Variants in PDE10A observed in about 807,000 individuals in gnomAD.
The protein encoded by PDE10A is phosphodiesterase 10A.
In PDE10A, 39 loss-of-function variants were observed where a neutral mutation model predicts 97.7. That is an observed-to-expected ratio of 0.40 (90% CI 0.31 to 0.52). PDE10A has a LOEUF of 0.52. Ranked by LOEUF, PDE10A falls within the 20% of genes least tolerant of loss-of-function variation. The probability of loss-of-function intolerance (pLI) is 0.56; values close to 1 mark genes in which losing one functional copy is unlikely to be tolerated. For synonymous variants in PDE10A, 371 were observed against 376.8 expected (o/e 0.98, Z 0.18); for missense variants, 731 against 1,047.8 (o/e 0.70, Z 4.17).
intron 1 of PDE10A, among the ~76,000 whole-genome samples, chr6:165,987,185 A>C (rs1265493912): frequency 6.6e-6 from 1 of 152,144 alleles, no homozygotes; most frequent in Admixed American, 6.5e-5. Flanking sequence ...CTCGCTGGGA[A>C]CTTGGAGCTC....
At chr6:165,779,891 G>A (rs951714347) in intron 1 of PDE10A, among the ~76,000 whole-genome samples, 2 of 152,022 alleles carry the variant, frequency 1.3e-5, no homozygotes, top group Admixed American at 6.6e-5. Flanking sequence ...CTGCTCTCCC[G>A]CCCAACACTG....
intron 1 of PDE10A, among the ~76,000 whole-genome samples, chr6:165,840,007 C>CAACTCAATTCCTATCTTT (rs1562762862): frequency 2.6e-4 from 1 of 3,916 alleles, no homozygotes; most frequent in African/African-American, 9.1e-4. Context: ...ATCCCATCTC[C>CAACTCAATTCCTATCTTT]ATCCTCATCT....
upstream of PDE10A, among the ~76,000 whole-genome samples, chr6:165,663,912 A>C (rs922233770): frequency 1.1e-4 from 17 of 152,176 alleles, no homozygotes; most frequent in African/African-American, 4.1e-4. Context: ...GAGCCGCCCA[A>C]TGGGCGCTCA....
chr6:165,336,756 A>AG (rs1491266026), intron 20 of PDE10A, among the ~76,000 whole-genome samples: 13 of 95,774 alleles, frequency 1.4e-4, no homozygotes, highest in African/African-American at 5.7e-4. Flanking sequence ...ACTCCGTCTC[A>AG]AAAAAAAAAA....
intron 1 of PDE10A, among the ~76,000 whole-genome samples, chr6:165,951,993 G>C (rs1224625043): frequency 6.6e-6 from 1 of 152,212 alleles, no homozygotes; most frequent in South Asian, 2.1e-4. Context: ...TGCCAGGGGA[G>C]GTAAGTACTT....
rs1178141330 is a variant in PDE10A at position 165,384,623 on chromosome 6, TGTGA to T, written c.2610+3671_2610+3674del. ...ACCATGAGTAACGTGTGTGTGTATGTGTGAGTGAGTGTGTGTGTGTGTGTGTGTG... is the reference window on the plus strand; with the variant it reads ...ACCATGAGTAACGTGTGTGTGTATGTGTGAGTGTGTGTGTGTGTGTGTGTG... On this transcript the variant is annotated intron_variant, in intron 17 of 21. Coordinates refer to ENST00000539869, the MANE Select transcript of PDE10A (RefSeq NM_001385079.1). Among the ~76,000 whole-genome samples the T allele has an allele frequency of 9.9e-4, 95 of 96,156 alleles. 8 individuals are homozygous for T. The highest frequency in any genetic ancestry group is 1.3e-3 in the Non-Finnish European group (67 of 50,614). The allele number at this position is 96,156 out of a possible 152,430, so 63.1% of individuals were successfully genotyped here. A position where few individuals can be genotyped will look rare whatever the true frequency, so the allele number is the denominator to read the frequency against.
chr6:165,974,857 G>A (rs1433891761), intron 1 of PDE10A, among the ~76,000 whole-genome samples: 2 of 152,358 alleles, frequency 1.3e-5, no homozygotes, highest in Non-Finnish European at 2.9e-5. Context: ...GAGGGTGACT[G>A]TCGTGCCTCT....
chr6:165,746,398 T>G (rs1792844191), intron 1 of PDE10A, among the ~76,000 whole-genome samples: 1 of 152,238 alleles, frequency 6.6e-6, no homozygotes, highest in Admixed American at 6.5e-5. Flanking sequence ...GGAATAGCAT[T>G]GAACAAGCTG....
At chr6:165,953,494 G>T (rs1562323779) in intron 1 of PDE10A, among the ~76,000 whole-genome samples, 1 of 152,070 alleles carries the variant, frequency 6.6e-6, no homozygotes, top group South Asian at 2.1e-4. Flanking sequence ...GGGAAGCTGA[G>T]GCAGGAGAAT....
intron 1 of PDE10A, among the ~76,000 whole-genome samples, chr6:165,611,732 A>G (rs1787504377): frequency 6.6e-6 from 1 of 152,268 alleles, no homozygotes. Context: ...TCTGTAAGAT[A>G]GTCTGCCACA....
At chr6:165,981,032 CTGTT>C (rs2128503847) in intron 1 of PDE10A, among the ~76,000 whole-genome samples, 2 of 152,302 alleles carry the variant, frequency 1.3e-5, no homozygotes, top group African/African-American at 4.8e-5. Context: ...ACTTTCACCT[CTGTT>C]TATTTGAAAT....
At chr6:165,981,086 T>C (rs1009645677) in intron 1 of PDE10A, among the ~76,000 whole-genome samples, 4 of 152,136 alleles carry the variant, frequency 2.6e-5, no homozygotes, top group African/African-American at 9.7e-5. Context: ...TGCATGTTTG[T>C]TGGGGAGCAA....
chr6:165,549,977 A>G (rs1442190828), intron 1 of PDE10A, among the ~76,000 whole-genome samples: 2 of 152,176 alleles, frequency 1.3e-5, no homozygotes. Flanking sequence ...AAAGATCCCA[A>G]TTTTGTGTCT....
intron 1 of PDE10A, among the ~76,000 whole-genome samples, chr6:165,734,249 T>C (rs1310524141): frequency 2.0e-5 from 3 of 152,116 alleles, no homozygotes; most frequent in Middle Eastern, 3.2e-3. Flanking sequence ...GAACCCACAC[T>C]GGGTGGGCTT....
At chr6:165,456,257 T>A (rs1777949709) in intron 3 of PDE10A, among the ~76,000 whole-genome samples, 1 of 152,178 alleles carries the variant, frequency 6.6e-6, no homozygotes, top group African/African-American at 2.4e-5. Flanking sequence ...CCTAAGTCTA[T>A]CAACTTTGAA....
At chr6:165,402,172 G>A (rs925135671) in intron 13 of PDE10A, among the ~76,000 whole-genome samples, 1 of 151,538 alleles carries the variant, frequency 6.6e-6, no homozygotes, top group African/African-American at 2.4e-5. Context: ...TCCTTTTATT[G>A]TCATTTTATA....
intron 1 of PDE10A, among the ~76,000 whole-genome samples, chr6:165,726,308 A>G (rs560195606): frequency 6.8e-4 from 104 of 152,314 alleles, no homozygotes; most frequent in Non-Finnish European, 1.3e-3. Context: ...TTTTACAGAA[A>G]TTGGGAAGTA....
chr6:165,860,400 C>T (rs891680158), intron 1 of PDE10A, among the ~76,000 whole-genome samples: 3 of 152,080 alleles, frequency 2.0e-5, no homozygotes, highest in East Asian at 3.9e-4. Context: ...TGCGGTGAGC[C>T]GAGATCATGC....
At chr6:165,782,368 GGCCATCTTCACC>G (rs1778362842) in intron 1 of PDE10A, among the ~76,000 whole-genome samples, 1 of 152,228 alleles carries the variant, frequency 6.6e-6, no homozygotes, top group African/African-American at 2.4e-5. Flanking sequence ...GCATTTATTG[GGCCATCTTCACC>G]GTAAATCACT....
Sources: allele counts gnomAD v4.1 joint callset (sites outside exome capture counted in the v4.1 genomes callset), GRCh38; gene constraint gnomAD v4.1.1; transcripts MANE v1.5; gene names NCBI Gene and HGNC (gene_info 2026-07-23, HGNC 2026-07-21).